TENM2: variants seen among roughly 807,000 people sequenced by gnomAD.
The protein encoded by TENM2 is teneurin-2.
Under a neutral mutation model 245.2 loss-of-function variants are expected in TENM2, and 52 were observed. That is an observed-to-expected ratio of 0.21 (90% CI 0.17 to 0.27). TENM2 has a LOEUF of 0.27. Among genes scored for constraint, TENM2 ranks in the 10% least tolerant of loss-of-function variants. The pLI, the probability that TENM2 is intolerant of heterozygous loss-of-function variation, is 1.00. For synonymous variants in TENM2, 1,363 were observed against 1,438.9 expected, an observed-to-expected ratio of 0.95 and a Z score of 1.19; for missense variants, 3,046 against 3,666.8, an observed-to-expected ratio of 0.83 and a Z score of 4.37.
exon 8 of TENM2, chr5:168,090,737 A>C: frequency 6.2e-7 from 1 of 1,613,892 alleles, no homozygotes; most frequent in Non-Finnish European, 8.5e-7. Context: ...GGAAAAGACA[A>C]AGAGATGGTT....
chr5:167,670,499 AT>A (rs5873058), intron 2 of TENM2, among the ~76,000 whole-genome samples: 54,226 of 150,638 alleles, frequency 0.36, 13,240 homozygotes, highest in East Asian at 0.9. Context: ...CTCTCATCAC[AT>A]TTTTTTTTCT....
intron 23 of TENM2, among the ~76,000 whole-genome samples, chr5:168,224,973 G>A (rs1764024379): frequency 6.6e-6 from 1 of 152,154 alleles, no homozygotes; most frequent in Non-Finnish European, 1.5e-5. Context: ...GGTGATGTGG[G>A]GAGAAAACTC....
At chr5:167,906,691 G>A (rs929188787) in intron 3 of TENM2, among the ~76,000 whole-genome samples, 4 of 152,144 alleles carry the variant, frequency 2.6e-5, no homozygotes, top group Admixed American at 6.5e-5. Context: ...CGCCATTCAC[G>A]TTGTTTTTTA....
intron 2 of TENM2, among the ~76,000 whole-genome samples, chr5:167,817,142 G>C (rs1373251566): frequency 6.6e-6 from 1 of 152,164 alleles, no homozygotes; most frequent in Non-Finnish European, 1.5e-5. Flanking sequence ...AAACGATAGA[G>C]TTGTTTGGAA....
rs192227308 is a variant in TENM2, at chr5:167,327,177, C to G, written c.226+42114C>G. Among the ~76,000 whole-genome samples the G allele has an allele frequency of 5.2e-3, 784 of 152,218 alleles. 3 individuals are homozygous for G. Among genetic ancestry groups the G allele is most frequent in the Non-Finnish European group, 8.7e-3 (590 of 68,036 alleles). On this transcript the variant is annotated intron_variant, in intron 1 of 28. Transcript: ENST00000518659. ...TCTCCTAATGCTATCCCTCCCCGCTCCCCGCATCCCACAACAGGCCCCGGT... is the reference window on the plus strand; with the variant it reads ...TCTCCTAATGCTATCCCTCCCCGCTGCCCGCATCCCACAACAGGCCCCGGT...
chr5:167,839,215 C>T (rs76550496), intron 2 of TENM2, among the ~76,000 whole-genome samples: 369 of 152,288 alleles, frequency 2.4e-3, no homozygotes, highest in Non-Finnish European at 4.2e-3. Flanking sequence ...CAGGCCCAGT[C>T]CTGCTTTTCA....
rs112697551 is a variant in TENM2 at position 167,671,286 on chromosome 5, C to CCCATCA, written c.503-204699_503-204694dup. Among the ~76,000 whole-genome samples, 73 of 152,230 alleles carry CCCATCA rather than the reference C, an allele frequency of 4.8e-4. 1 individual carries two copies. The highest frequency in any genetic ancestry group is 2.1e-3 in the South Asian group (10 of 4,832). ...CATAAATGGAGAAGCATTTGAGAGT[C>CCCATCA]CCATCAGCCAAGGAGTAAGCTCATA... On this transcript the variant is annotated intron_variant, in intron 2 of 28. Transcript: ENST00000518659.
rs533447625 is a variant in TENM2, at chr5:168,253,259, G to A, written c.7432+4888G>A. Among the ~76,000 whole-genome samples the A allele has an allele frequency of 3.6e-4, 54 of 151,872 alleles. 1 individual carries two copies. In the South Asian group the frequency reaches 0.011, roughly 30 times the overall value. On this transcript the variant is annotated intron_variant, in intron 27 of 28. Transcript: ENST00000518659. ...TGGGATTACAGGCGTGAGCCACCGC[G>A]CCTGGCAGAGCCACAATTTCTTCAT... is the stretch of plus-strand genomic sequence containing the variant.
intron 1 of TENM2, among the ~76,000 whole-genome samples, chr5:167,304,242 G>C (rs1389676544): frequency 6.6e-6 from 1 of 152,170 alleles, no homozygotes; most frequent in Non-Finnish European, 1.5e-5. Context: ...TCCTGGGAAG[G>C]TCCAGCACCA....
At chr5:167,357,274 T>G (rs1170601780) in intron 1 of TENM2, among the ~76,000 whole-genome samples, 1 of 150,128 alleles carries the variant, frequency 6.7e-6, no homozygotes, top group Non-Finnish European at 1.5e-5. Flanking sequence ...TTTGACTTTT[T>G]CCCCCTTATG....
chr5:167,783,690 AATC>A (rs1764364084), intron 2 of TENM2, among the ~76,000 whole-genome samples: 1 of 152,144 alleles, frequency 6.6e-6, no homozygotes, highest in Non-Finnish European at 1.5e-5. Context: ...CAAGCTTCCA[AATC>A]ATTGTGTTGT....
the TENM2 span, among the ~76,000 whole-genome samples, chr5:167,020,297 A>C: frequency 6.6e-6 from 1 of 152,204 alleles, no homozygotes; most frequent in Non-Finnish European, 1.5e-5. Flanking sequence ...CAAGTTATTG[A>C]AAATAATTCT....
intron 1 of TENM2, among the ~76,000 whole-genome samples, chr5:167,314,106 G>C (rs1756207457): frequency 6.6e-6 from 1 of 152,194 alleles, no homozygotes. Flanking sequence ...ATGTTGGAAG[G>C]AAATTGGGCA....
At chr5:167,759,770 G>A (rs555192911) in intron 2 of TENM2, among the ~76,000 whole-genome samples, 1 of 152,086 alleles carries the variant, frequency 6.6e-6, no homozygotes, top group Non-Finnish European at 1.5e-5. Context: ...TCAATCTATT[G>A]TTGAGAGATA....
intron 12 of TENM2, among the ~76,000 whole-genome samples, chr5:168,135,534 C>A (rs948653576): frequency 3.9e-5 from 6 of 152,122 alleles, no homozygotes; most frequent in African/African-American, 1.4e-4. Context: ...TTGTTATAAT[C>A]AGACCCACAA....
chr5:167,361,037 A>C (rs949425182), intron 1 of TENM2, among the ~76,000 whole-genome samples: 1 of 152,198 alleles, frequency 6.6e-6, no homozygotes, highest in African/African-American at 2.4e-5. Context: ...TGGAACTTGA[A>C]AAGACATACG....
the TENM2 span, among the ~76,000 whole-genome samples, chr5:167,082,157 A>C: frequency 0.056 from 8,499 of 152,230 alleles, 380 homozygotes; most frequent in African/African-American, 0.12. Context: ...TGTTCTTCTT[A>C]TTATTACTAC....
intron 3 of TENM2, among the ~76,000 whole-genome samples, chr5:167,910,428 T>C (rs1204481087): frequency 6.6e-6 from 1 of 152,038 alleles, no homozygotes; most frequent in Non-Finnish European, 1.5e-5. Flanking sequence ...AAAATGTGAT[T>C]AAATATCCTC....
chr5:167,468,024 C>T (rs2127504003), intron 2 of TENM2, among the ~76,000 whole-genome samples: 1 of 152,258 alleles, frequency 6.6e-6, no homozygotes, highest in Non-Finnish European at 1.5e-5. Context: ...GCAACCTCTG[C>T]CTCCCGGGTT....
Sources: gnomAD v4.1 joint callset for allele counts (sites outside exome capture counted in the v4.1 genomes callset) on GRCh38, gnomAD v4.1.1 for gene constraint, MANE v1.5 for transcripts, NCBI Gene and HGNC (gene_info 2026-07-23, HGNC 2026-07-21) for gene names.